PTPN4: variants seen among roughly 807,000 people sequenced by gnomAD.
PTPN4 encodes the protein protein tyrosine phosphatase non-receptor type 4, also known as tyrosine-protein phosphatase non-receptor type 4.
A neutral mutation model predicts 135.5 loss-of-function variants in PTPN4; 49 were observed. The observed-to-expected ratio is 0.36, with a 90% CI of 0.29 to 0.46. The LOEUF (loss-of-function observed/expected upper bound fraction) is 0.46, where lower values mean the gene tolerates loss of function less well. PTPN4 is among the 20% of genes least tolerant of loss of function. The probability of loss-of-function intolerance (pLI) is 1.00; values close to 1 mark genes in which losing one functional copy is unlikely to be tolerated. For synonymous variants in PTPN4, 333 were observed against 369.9 expected (o/e 0.90, Z 1.14); for missense variants, 860 against 1,101.0 (o/e 0.78, Z 3.10).
chr2:119,944,260 A>G (rs1191310542), intron 15 of PTPN4, among the ~76,000 whole-genome samples: 2 of 152,122 alleles, frequency 1.3e-5, no homozygotes, highest in Non-Finnish European at 2.9e-5. Flanking sequence ...ATCAAGAACA[A>G]TTTTCCGCTT....
intron 1 of PTPN4, among the ~76,000 whole-genome samples, chr2:119,785,535 G>C (rs1039513476): frequency 4.7e-4 from 71 of 152,030 alleles, no homozygotes; most frequent in African/African-American, 1.7e-3. Flanking sequence ...ATATTATTTT[G>C]GGTTCCATTT....
chr2:119,793,702 T>A (rs1477800377), intron 1 of PTPN4, among the ~76,000 whole-genome samples: 1 of 152,132 alleles, frequency 6.6e-6, no homozygotes, highest in African/African-American at 2.4e-5. Flanking sequence ...CATGAAATCT[T>A]CACAATTTGT....
chr2:119,782,999 C>CT (rs5833802), intron 1 of PTPN4, among the ~76,000 whole-genome samples: 82,465 of 146,290 alleles, frequency 0.56, 24,568 homozygotes, highest in East Asian at 0.79. Context: ...GCTGAAATCC[C>CT]TTTTTTTTTT....
At chr2:119,837,130 T>C (rs1677306780) in intron 2 of PTPN4, among the ~76,000 whole-genome samples, 1 of 152,100 alleles carries the variant, frequency 6.6e-6, no homozygotes, top group Admixed American at 6.5e-5. Context: ...CTTAAAGTGC[T>C]TTTTCTGGGC....
intron 12 of PTPN4, among the ~76,000 whole-genome samples, chr2:119,924,127 A>G (rs1003443180): frequency 1.1e-4 from 14 of 125,772 alleles, no homozygotes; most frequent in Non-Finnish European, 1.8e-4. Flanking sequence ...ACAGAGTGAG[A>G]CTCCGTCTCA....
chr2:119,804,362 G>A (rs899082575), intron 1 of PTPN4, among the ~76,000 whole-genome samples: 15 of 152,144 alleles, frequency 9.9e-5, no homozygotes, highest in African/African-American at 3.6e-4. Flanking sequence ...CATGTGCCAT[G>A]TTTGTTTGCT....
intron 3 of PTPN4, among the ~76,000 whole-genome samples, chr2:119,876,171 A>G (rs543344864): frequency 3.9e-5 from 6 of 152,318 alleles, no homozygotes; most frequent in Non-Finnish European, 4.4e-5. Context: ...TACAAGCTGT[A>G]GTGTAAGGAC....
chr2:119,880,874 CT>C (rs1486511205), intron 5 of PTPN4, among the ~76,000 whole-genome samples: 1 of 151,996 alleles, frequency 6.6e-6, no homozygotes. Flanking sequence ...CTGAAAACCT[CT>C]TTGGTAATTT....
At chr2:119,815,473 T>G (rs1272865854) in intron 2 of PTPN4, among the ~76,000 whole-genome samples, 1 of 152,200 alleles carries the variant, frequency 6.6e-6, no homozygotes, top group Admixed American at 6.5e-5. Context: ...ACTAATTGTT[T>G]GATGTGCATA....
chr2:119,914,842 G>C (rs1182243195), intron 10 of PTPN4, among the ~76,000 whole-genome samples: 1 of 152,032 alleles, frequency 6.6e-6, no homozygotes, highest in Non-Finnish European at 1.5e-5. Flanking sequence ...GTGTTTTTAG[G>C]GTTGTTGCAT....
intron 3 of PTPN4, among the ~76,000 whole-genome samples, chr2:119,874,241 T>C (rs1203694699): frequency 6.6e-6 from 1 of 152,186 alleles, no homozygotes; most frequent in East Asian, 1.9e-4. Flanking sequence ...ATGTAAAAGG[T>C]ACAGCCATTG....
chr2:119,766,484 CTGTGT>C (rs1690631939), intron 1 of PTPN4, among the ~76,000 whole-genome samples: 8 of 103,826 alleles, frequency 7.7e-5, no homozygotes, highest in Admixed American at 4.5e-4. Context: ...GTGTGTGTGT[CTGTGT>C]GTGTGTGTGT....
intron 2 of PTPN4, among the ~76,000 whole-genome samples, chr2:119,856,073 G>C (rs1030358169): frequency 6.6e-6 from 1 of 152,048 alleles, no homozygotes; most frequent in Non-Finnish European, 1.5e-5. Context: ...CAAAGTGCTG[G>C]TATTACAGGC....
intron 10 of PTPN4, among the ~76,000 whole-genome samples, chr2:119,901,136 C>A (rs935918623): frequency 3.3e-5 from 5 of 152,164 alleles, no homozygotes; most frequent in Admixed American, 6.5e-5. Flanking sequence ...CAGAGTTTAA[C>A]CAAAGTAGGA....
chr2:119,787,160 C>T (rs781156985), intron 1 of PTPN4, among the ~76,000 whole-genome samples: 1 of 152,188 alleles, frequency 6.6e-6, no homozygotes, highest in South Asian at 2.1e-4. Context: ...TACAAATCTT[C>T]TCCTGGGCTG....
chr2:119,818,747 C>T (rs1009538384), intron 2 of PTPN4, among the ~76,000 whole-genome samples: 1 of 152,168 alleles, frequency 6.6e-6, no homozygotes, highest in Non-Finnish European at 1.5e-5. Context: ...AGTTAAATAG[C>T]CAGCAGATTA....
At chr2:119,797,431 G>C (rs1436495823) in intron 1 of PTPN4, among the ~76,000 whole-genome samples, 3 of 152,170 alleles carry the variant, frequency 2.0e-5, no homozygotes, top group Non-Finnish European at 4.4e-5. Flanking sequence ...ATCTTTTTCA[G>C]AGTTGCTTTA....
At chr2:119,828,309 G>A (rs1677174314) in intron 2 of PTPN4, among the ~76,000 whole-genome samples, 1 of 152,234 alleles carries the variant, frequency 6.6e-6, no homozygotes, top group African/African-American at 2.4e-5. Flanking sequence ...GAACCGCCAT[G>A]TGGGCCCAGT....
intron 15 of PTPN4, among the ~76,000 whole-genome samples, chr2:119,936,192 T>C (rs1242602849): frequency 3.3e-5 from 5 of 152,102 alleles, no homozygotes; most frequent in African/African-American, 1.2e-4. Flanking sequence ...TTAGTAGAGA[T>C]GGGGTTTCAC....
Sources: allele counts gnomAD v4.1 joint callset (sites outside exome capture counted in the v4.1 genomes callset), GRCh38; gene constraint gnomAD v4.1.1; transcripts MANE v1.5; gene names NCBI Gene and HGNC (gene_info 2026-07-23, HGNC 2026-07-21).